Variants in NTRK3 observed in about 807,000 individuals in gnomAD.
NTRK3 encodes neurotrophic receptor tyrosine kinase 3.
In NTRK3, 24 loss-of-function variants were observed where a neutral mutation model predicts 91.7. That is an observed-to-expected ratio of 0.26 (90% confidence interval 0.19 to 0.37). NTRK3 has a LOEUF of 0.37. Among genes scored for constraint, NTRK3 ranks in the 10% least tolerant of loss-of-function variants. The pLI is 1.00. For synonymous variants in NTRK3, 483 were observed against 404.0 expected, an observed-to-expected ratio of 1.20 and a Z score of -2.34; for missense variants, 880 against 1,068.9, an observed-to-expected ratio of 0.82 and a Z score of 2.46.
rs16940934 is a variant in NTRK3, at chr15:87,867,029, C to T, written c.*9906G>A. Reference sequence around the variant, plus strand: ...AACAACAGAGGAAATTAAAAGAAAACGTGTTTGGAGAAAGGCTCCCCTTTC... The same window carrying T: ...AACAACAGAGGAAATTAAAAGAAAATGTGTTTGGAGAAAGGCTCCCCTTTC... On this transcript the variant is annotated 3_prime_UTR_variant, in exon 19 of 19. Coordinates refer to ENST00000394480, the Ensembl canonical transcript of NTRK3. 2.4e-4 allele frequency: 54 copies of T among 221,096 alleles called. No homozygotes were observed. In the South Asian group the frequency reaches 8.7e-3, roughly 36 times the overall value. The allele number at this position is 221,096 out of a possible 1,614,324, so 13.7% of individuals were successfully genotyped here. A position where few individuals can be genotyped will look rare whatever the true frequency, so the allele number is the denominator to read the frequency against.
At chr15:88,118,820 G>A (rs561991116) in intron 13 of NTRK3, among the ~76,000 whole-genome samples, 36 of 152,246 alleles carry the variant, frequency 2.4e-4, no homozygotes, top group Middle Eastern at 3.4e-3. Context: ...GTAAGGTATC[G>A]CGGGGCTGTT....
At chr15:87,864,586 C>G (rs1043469831) in exon 19 of NTRK3, 32 of 230,426 alleles carry the variant, frequency 1.4e-4, no homozygotes, top group Non-Finnish European at 2.3e-4. Context: ...GTCATCCCCT[C>G]CAGATTATCA....
At chr15:87,877,226 A>G in intron 18 of NTRK3, 106 bp from the exon 20 acceptor site, 1 of 1,189,854 alleles carries the variant, frequency 8.4e-7, no homozygotes. Context: ...TTCTATGCAG[A>G]GCCGAGGCTC....
exon 19 of NTRK3, chr15:87,876,582 T>A (rs2064956454): frequency 4.5e-6 from 1 of 222,020 alleles, no homozygotes; most frequent in South Asian, 1.8e-4. Flanking sequence ...TCAAAGGGAA[T>A]TTTCCTTTGT....
chr15:88,158,723 C>G (rs1057441494), intron 5 of NTRK3, among the ~76,000 whole-genome samples: 6 of 152,160 alleles, frequency 3.9e-5, no homozygotes, highest in African/African-American at 1.4e-4. Flanking sequence ...TCTGGAGTCC[C>G]AGGTGGGCGC....
intron 3 of NTRK3, among the ~76,000 whole-genome samples, chr15:88,196,335 C>T (rs1286972859): frequency 1.3e-5 from 2 of 151,040 alleles, no homozygotes; most frequent in Non-Finnish European, 3.0e-5. Context: ...CCCTCTCTTT[C>T]GTGCACAGCA....
chr15:87,974,029 G>A (rs979536073), intron 14 of NTRK3, among the ~76,000 whole-genome samples: 10 of 152,246 alleles, frequency 6.6e-5, no homozygotes, highest in South Asian at 2.1e-4. Flanking sequence ...TGATCTGCCC[G>A]CTCCTGAGCT....
intron 5 of NTRK3, among the ~76,000 whole-genome samples, chr15:88,182,675 A>C (rs1284966955): frequency 6.6e-6 from 1 of 152,110 alleles, no homozygotes; most frequent in Non-Finnish European, 1.5e-5. Flanking sequence ...GCAGGTTGGC[A>C]CTTCCCCTAA....
At chr15:88,031,824 G>A (rs762316486) in intron 14 of NTRK3, among the ~76,000 whole-genome samples, 21 of 152,156 alleles carry the variant, frequency 1.4e-4, no homozygotes, top group Non-Finnish European at 1.8e-4. Context: ...TGTACTCCAA[G>A]TACAGAGAGC....
intron 3 of NTRK3, among the ~76,000 whole-genome samples, chr15:88,198,569 C>A (rs1056739565): frequency 1.4e-4 from 21 of 152,224 alleles, no homozygotes; most frequent in Admixed American, 1.0e-3. Flanking sequence ...TGTATGTAAT[C>A]CTGTCACCTG....
chr15:87,895,184 A>G (rs1414806868), intron 17 of NTRK3, among the ~76,000 whole-genome samples: 1 of 152,196 alleles, frequency 6.6e-6, no homozygotes, highest in Non-Finnish European at 1.5e-5. Flanking sequence ...AAAAGCAATG[A>G]CTTGTCCAAG....
rs2064968407 is a variant in NTRK3, at chr15:87,876,855, A to C, written c.*80T>G. On this transcript the variant is annotated 3_prime_UTR_variant, in exon 19 of 19. Transcript: ENST00000394480. ...GATGTTCGCTTCAGTCAAGGATGGA[A>C]GGAGTTGTGAGGTGGAAGGGAGATG... is the stretch of plus-strand genomic sequence containing the variant. The C allele has an allele frequency of 3.4e-6, 5 of 1,482,042 alleles. No homozygotes were observed. The South Asian group carries it at 5.7e-5, about 17-fold the overall frequency. 91.8% of individuals were successfully genotyped at this position (1,482,042 alleles called of 1,614,324 possible). A position where few individuals can be genotyped will look rare whatever the true frequency, so the allele number is the denominator to read the frequency against.
chr15:88,195,588 T>C (rs2047747700), intron 3 of NTRK3, among the ~76,000 whole-genome samples: 2 of 152,242 alleles, frequency 1.3e-5, no homozygotes, highest in African/African-American at 2.4e-5. Context: ...GGAACCCTTG[T>C]AGCCCCTTGG....
At chr15:88,150,347 C>T (rs1027584072) in intron 5 of NTRK3, among the ~76,000 whole-genome samples, 1 of 152,122 alleles carries the variant, frequency 6.6e-6, no homozygotes, top group Non-Finnish European at 1.5e-5. Context: ...GCAGAAATGT[C>T]AAAAGAAAAT....
At chr15:88,045,999 A>G (rs2080151047) in intron 13 of NTRK3, among the ~76,000 whole-genome samples, 1 of 152,220 alleles carries the variant, frequency 6.6e-6, no homozygotes. Flanking sequence ...AGTGATTAAG[A>G]CTTCAACATA....
chr15:88,008,533 C>G (rs771625424), intron 14 of NTRK3, among the ~76,000 whole-genome samples: 1 of 152,024 alleles, frequency 6.6e-6, no homozygotes, highest in Non-Finnish European at 1.5e-5. Context: ...TAAAAGCTCC[C>G]GGTTGATTCC....
chr15:88,118,778 A>G (rs909189603), intron 13 of NTRK3, among the ~76,000 whole-genome samples: 1 of 152,182 alleles, frequency 6.6e-6, no homozygotes, highest in Non-Finnish European at 1.5e-5. Flanking sequence ...CATGAGTAGC[A>G]AGGGACAAGA....
At position 88,028,807 on chromosome 15, in the gene NTRK3, T is replaced by A. The variant is rs190990179; in HGVS notation, c.1585+4050A>T. Among the ~76,000 whole-genome samples the A allele has an allele frequency of 2.2e-4, 33 of 152,172 alleles. 1 individual carries two copies. In the East Asian group the frequency reaches 6.2e-3, roughly 29 times the overall value. The stretch of plus-strand genomic sequence containing the variant: ...GAGTATGGGTGTGGGGAGAAAAGGA[T>A]GAACAGAGAACCCTGTTCATCCTTA... On this transcript the variant is annotated intron_variant, in intron 14 of 18. Transcript: ENST00000394480.
intron 5 of NTRK3, among the ~76,000 whole-genome samples, chr15:88,150,753 A>C (rs758336116): frequency 1.8e-4 from 27 of 152,180 alleles, no homozygotes; most frequent in Non-Finnish European, 3.7e-4. Flanking sequence ...CCCAGAAAAA[A>C]ACTTATACAA....
Sources: gnomAD v4.1 joint callset for allele counts (sites outside exome capture counted in the v4.1 genomes callset) on GRCh38, gnomAD v4.1.1 for gene constraint, MANE v1.5 for transcripts, NCBI Gene and HGNC (gene_info 2026-07-23, HGNC 2026-07-21) for gene names.